The following KAZN variants were observed in gnomAD, a reference collection of about 807,000 sequenced individuals.
KAZN encodes the protein kazrin.
A neutral mutation model predicts 87.4 loss-of-function variants in KAZN; 40 were observed. The observed-to-expected ratio is 0.46, with a 90% CI of 0.36 to 0.60. The LOEUF (loss-of-function observed/expected upper bound fraction) is 0.60. Among genes scored for constraint, KAZN ranks in the 20% least tolerant of loss-of-function variants. The pLI is 0.00. For synonymous variants in KAZN, 466 were observed against 458.3 expected (o/e 1.02, Z -0.22); for missense variants, 898 against 1,073.9 (o/e 0.84, Z 2.29).
chr1:13,956,092 C>T (rs1343106823), intron 1 of KAZN, among the ~76,000 whole-genome samples: 1 of 152,180 alleles, frequency 6.6e-6, no homozygotes, highest in Non-Finnish European at 1.5e-5. Context: ...CCAATTAGAA[C>T]CGGAAACTCA....
Position 15,112,464 on chromosome 1 carries a change from C to A in KAZN, c.2086C>A (p.Pro696Thr), listed in dbSNP as rs775723862. Residue 696 changes from proline to threonine, a missense_variant, in exon 14 of 15, where the codon CCC (proline) becomes ACC (threonine). Physicochemically the swap from Pro to Thr is conservative, Grantham distance 38. This residue lies in a region of KAZN where 127 missense variants were observed against 121.5 expected (regional missense o/e 1.04). Transcript: ENST00000376030. ...GIREAERFGT[P>T]PGRASSVTRA... ...CCGGGAGGCTGAGCGTTTTGGAACG[C>A]CCCCTGGCAGGGCCTCCAGCGTCAC... is the stretch of plus-strand genomic sequence containing the variant. 7.5e-6 allele frequency: 12 copies of A among 1,607,302 alleles called. No homozygotes were observed. Among genetic ancestry groups the A allele is most frequent in the Non-Finnish European group, 5.9e-6 (7 of 1,177,500 alleles).
At chr1:14,075,908 G>A (rs113368734) in intron 1 of KAZN, among the ~76,000 whole-genome samples, 20 of 152,260 alleles carry the variant, frequency 1.3e-4, no homozygotes, top group African/African-American at 4.8e-4. Context: ...CTAGGACCTT[G>A]GAATGTGACC....
intron 4 of KAZN, among the ~76,000 whole-genome samples, chr1:15,044,568 T>C (rs1003750422): frequency 2.6e-5 from 4 of 151,810 alleles, no homozygotes; most frequent in Non-Finnish European, 5.9e-5. Context: ...CTGGGCAACA[T>C]GGCAAAACCC....
chr1:14,264,590 C>A (rs1246209028), intron 2 of KAZN, among the ~76,000 whole-genome samples: 1 of 152,176 alleles, frequency 6.6e-6, no homozygotes, highest in Non-Finnish European at 1.5e-5. Flanking sequence ...TGCCCTTCTA[C>A]CATCTGCCAT....
intron 10 of KAZN, among the ~76,000 whole-genome samples, chr1:15,097,948 T>C (rs959514220): frequency 2.0e-5 from 3 of 152,180 alleles, no homozygotes; most frequent in African/African-American, 7.2e-5. Flanking sequence ...ACAAGAACAA[T>C]GACAGCTTCT....
At chr1:14,060,836 C>T (rs1257926065) in intron 1 of KAZN, among the ~76,000 whole-genome samples, 1 of 152,202 alleles carries the variant, frequency 6.6e-6, no homozygotes, top group Non-Finnish European at 1.5e-5. Flanking sequence ...CCAGGACCAT[C>T]TTGGGCAAAT....
At chr1:14,389,804 G>A (rs1420143088) in intron 2 of KAZN, among the ~76,000 whole-genome samples, 1 of 152,080 alleles carries the variant, frequency 6.6e-6, no homozygotes, top group Admixed American at 6.5e-5. Flanking sequence ...GCACAACAGG[G>A]TGATTATAGT....
chr1:14,276,819 A>G (rs1263007592), intron 2 of KAZN, among the ~76,000 whole-genome samples: 1 of 152,188 alleles, frequency 6.6e-6, no homozygotes, highest in Non-Finnish European at 1.5e-5. Context: ...GACACAAGCC[A>G]CCCCATAACA....
In KAZN at chr1:15,094,304, C is replaced by A; in HGVS notation, c.1347C>A (p.Gly449=). The change falls in exon 9 of 15, where the codon GGC becomes GGA. Residue 449 remains glycine, a synonymous_variant. Transcript: ENST00000376030. The surrounding 1 kb of genome is among the most constrained non-coding windows in gnomAD (Gnocchi z 4.5). ...CCCCTATGTCCCACTGGAAGGCGGGCACCGTCCAGGCCTGGCTGGAGGTGG... is the reference window on the plus strand; with the variant it reads ...CCCCTATGTCCCACTGGAAGGCGGGAACCGTCCAGGCCTGGCTGGAGGTGG... ...RTTPMSHWKA[G]TVQAWLEVVM... 6.2e-7 allele frequency: 1 copy of A among 1,613,980 alleles called. No homozygotes were observed. The highest frequency in any genetic ancestry group is 8.5e-7 in the Non-Finnish European group (1 of 1,179,886).
chr1:14,264,132 G>A (rs1383982368), intron 2 of KAZN, among the ~76,000 whole-genome samples: 3 of 152,176 alleles, frequency 2.0e-5, no homozygotes, highest in Non-Finnish European at 4.4e-5. Flanking sequence ...TCCTCTCATG[G>A]AGTCTCACAT....
chr1:14,665,246 C>T (rs1422227961), intron 1 of KAZN, among the ~76,000 whole-genome samples: 1 of 152,102 alleles, frequency 6.6e-6, no homozygotes, highest in East Asian at 1.9e-4. Context: ...GAGCAGACCT[C>T]TCTGTCCTCT....
At chr1:14,294,333 T>A (rs1227653083) in intron 2 of KAZN, among the ~76,000 whole-genome samples, 2 of 152,144 alleles carry the variant, frequency 1.3e-5, no homozygotes, top group Non-Finnish European at 2.9e-5. Context: ...TCCTTGGGTT[T>A]AGGGTTCTCC....
chr1:14,643,856 C>A (rs1012524116), intron 1 of KAZN, among the ~76,000 whole-genome samples: 4 of 152,086 alleles, frequency 2.6e-5, no homozygotes, highest in Non-Finnish European at 5.9e-5. Flanking sequence ...TAATAAATAG[C>A]CATTCTGACC....
chr1:14,396,443 T>A (rs930252720), intron 2 of KAZN, among the ~76,000 whole-genome samples: 4 of 152,210 alleles, frequency 2.6e-5, no homozygotes, highest in African/African-American at 9.6e-5. Flanking sequence ...AAATGCCCTT[T>A]ACCAAAGGCC....
chr1:14,723,003 G>A (rs1440006709), intron 1 of KAZN, among the ~76,000 whole-genome samples: 20 of 152,120 alleles, frequency 1.3e-4, no homozygotes, highest in Non-Finnish European at 5.9e-5. Flanking sequence ...GTGTGCACCT[G>A]TGTTTCCAGC....
At chr1:14,729,101 G>T (rs7533649) in intron 1 of KAZN, among the ~76,000 whole-genome samples, 1 of 152,054 alleles carries the variant, frequency 6.6e-6, no homozygotes, top group Non-Finnish European at 1.5e-5. Flanking sequence ...CTCCTGCCTC[G>T]AATGTGCTCC....
At chr1:14,467,345 A>T (rs1269180519) in intron 2 of KAZN, among the ~76,000 whole-genome samples, 1 of 151,750 alleles carries the variant, frequency 6.6e-6, no homozygotes, top group African/African-American at 2.4e-5. Context: ...AAAAAAAACA[A>T]CAAGGAAAAT....
At chr1:14,447,036 GT>G (rs2148324218) in intron 2 of KAZN, among the ~76,000 whole-genome samples, 1 of 152,146 alleles carries the variant, frequency 6.6e-6, no homozygotes, top group Non-Finnish European at 1.5e-5. Flanking sequence ...GTGATAGGTA[GT>G]TTTTCAACCC....
intron 1 of KAZN, chr1:14,924,338 C>A (rs1276596849): frequency 4.7e-5 from 46 of 987,838 alleles, no homozygotes; most frequent in Admixed American, 6.2e-5. Context: ...CGCGCAGCCG[C>A]TGGTAGCGTC....
Sources: allele counts gnomAD v4.1 joint callset (sites outside exome capture counted in the v4.1 genomes callset), GRCh38; gene constraint gnomAD v4.1.1; regional missense constraint gnomAD v4.1.1; non-coding constraint Gnocchi (gnomAD v3.1); transcripts MANE v1.5; gene names NCBI Gene and HGNC (gene_info 2026-07-23, HGNC 2026-07-21).